Variants in ITGA9 observed in about 807,000 individuals in gnomAD.
ITGA9 encodes the protein integrin alpha-9.
Under a neutral mutation model 127.8 loss-of-function variants are expected in ITGA9, and 56 were observed. The observed-to-expected ratio is 0.44, with a 90% CI of 0.35 to 0.55. ITGA9 has a LOEUF of 0.55. Ranked by LOEUF, ITGA9 falls within the 20% of genes least tolerant of loss-of-function variation. ITGA9 has a pLI of 0.00. For synonymous variants in ITGA9, 508 were observed against 514.5 expected (o/e 0.99, Z 0.17); for missense variants, 1,196 against 1,347.1 (o/e 0.89, Z 1.76).
intron 22 of ITGA9, chr3:37,749,238 A>G (rs984221221): frequency 4.0e-5 from 7 of 175,810 alleles, no homozygotes; most frequent in Non-Finnish European, 7.1e-5. Context: ...AAAGCCAGCA[A>G]TGGCTGGTCA....
At chr3:37,803,154 C>T (rs1268592990) in intron 26 of ITGA9, among the ~76,000 whole-genome samples, 4 of 152,184 alleles carry the variant, frequency 2.6e-5, no homozygotes, top group Admixed American at 2.0e-4. Flanking sequence ...AGAGCACTCC[C>T]GTGTTCTTTG....
intron 1 of ITGA9, among the ~76,000 whole-genome samples, chr3:37,455,864 G>A (rs142518447): frequency 6.4e-4 from 97 of 152,320 alleles, no homozygotes; most frequent in African/African-American, 2.2e-3. Flanking sequence ...AGAGTAGAGC[G>A]TTCCCATGTT....
At chr3:37,785,133 C>A in intron 26 of ITGA9, 55 bp downstream of exon 26, 2 of 1,226,246 alleles carry the variant, frequency 1.6e-6, no homozygotes, top group African/African-American at 1.5e-5. Flanking sequence ...AGCTGGGTGA[C>A]TTGGAGACCT....
chr3:37,499,617 T>C (rs1698767926), intron 5 of ITGA9, among the ~76,000 whole-genome samples: 1 of 152,106 alleles, frequency 6.6e-6, no homozygotes. Flanking sequence ...ACAAGCATCA[T>C]CCATAGGGAA....
intron 23 of ITGA9, among the ~76,000 whole-genome samples, chr3:37,763,973 C>T (rs1696750498): frequency 6.6e-6 from 1 of 152,142 alleles, no homozygotes; most frequent in African/African-American, 2.4e-5. Context: ...TATGATCCAA[C>T]CCTCTACCTT....
At chr3:37,742,677 T>A (rs927852991) in intron 21 of ITGA9, among the ~76,000 whole-genome samples, 4 of 152,124 alleles carry the variant, frequency 2.6e-5, no homozygotes, top group Non-Finnish European at 5.9e-5. Flanking sequence ...AATTTTTCGG[T>A]TTTCAAGTGC....
chr3:37,542,960 A>C (rs1221697152), intron 15 of ITGA9, among the ~76,000 whole-genome samples: 1 of 151,888 alleles, frequency 6.6e-6, no homozygotes, highest in African/African-American at 2.4e-5. Context: ...ACTGCACCTG[A>C]TGCCTTTCTC....
intron 16 of ITGA9, among the ~76,000 whole-genome samples, chr3:37,646,986 A>T (rs993740981): frequency 5.9e-5 from 9 of 152,076 alleles, no homozygotes; most frequent in African/African-American, 2.2e-4. Context: ...CTCCAGAGAG[A>T]TGCCTTTCAG....
chr3:37,604,506 G>C (rs142313880), intron 15 of ITGA9, among the ~76,000 whole-genome samples: 97 of 152,350 alleles, frequency 6.4e-4, no homozygotes, highest in South Asian at 2.1e-3. Flanking sequence ...TTCCTTGTGA[G>C]ATCAGACACA....
Position 37,650,434 on chromosome 3 carries a change from T to A in ITGA9, c.1840-3280T>A, listed in dbSNP as rs189977485. On this transcript the variant is annotated intron_variant, in intron 16 of 27. Coordinates refer to ENST00000264741, the MANE Select transcript of ITGA9 (RefSeq NM_002207.3). ...TTATTTCACCATCCATTAATGTTTG[T>A]TTGTTTGTTTGTTTTGAGATGGAGT... 9.2e-5 allele frequency among the ~76,000 whole-genome samples: 14 copies of A among 152,198 alleles called. No individual in the cohort carries two copies. In the East Asian group the frequency reaches 2.7e-3, roughly 29 times the overall value.
intron 23 of ITGA9, among the ~76,000 whole-genome samples, chr3:37,770,249 A>G (rs1696827229): frequency 6.6e-6 from 1 of 152,178 alleles, no homozygotes; most frequent in Non-Finnish European, 1.5e-5. Flanking sequence ...CTAACATACT[A>G]ATAGCACCTA....
intron 2 of ITGA9, among the ~76,000 whole-genome samples, chr3:37,473,136 C>CAGAAAA (rs1698451356): frequency 1.4e-5 from 1 of 70,780 alleles, no homozygotes; most frequent in Non-Finnish European, 2.5e-5. Flanking sequence ...GAGACTGTCT[C>CAGAAAA]AAAAAAAAAA....
chr3:37,744,557 C>G (rs888741102), intron 22 of ITGA9, among the ~76,000 whole-genome samples: 6 of 152,232 alleles, frequency 3.9e-5, no homozygotes, highest in African/African-American at 1.4e-4. Flanking sequence ...CCTCACTGAG[C>G]CATGGCTGGC....
chr3:37,686,847 C>T (rs545358610), intron 18 of ITGA9, among the ~76,000 whole-genome samples: 8 of 152,188 alleles, frequency 5.3e-5, no homozygotes, highest in African/African-American at 1.2e-4. Context: ...ACTCCAGCCA[C>T]GCTGCAAGGT....
At chr3:37,615,937 T>G (rs1465756997) in intron 15 of ITGA9, among the ~76,000 whole-genome samples, 1 of 152,230 alleles carries the variant, frequency 6.6e-6, no homozygotes, top group Non-Finnish European at 1.5e-5. Context: ...TTGATTTTTT[T>G]GAAGGGTTTT....
chr3:37,490,974 G>A (rs267525), intron 4 of ITGA9, among the ~76,000 whole-genome samples: 2,587 of 121,850 alleles, frequency 0.021, 151 homozygotes, highest in African/African-American at 0.078. Context: ...CTTCCCCCCC[G>A]CTTTTTTTTT....
intron 15 of ITGA9, among the ~76,000 whole-genome samples, chr3:37,582,812 AC>A (rs564495901): frequency 1.3e-3 from 199 of 152,302 alleles, no homozygotes; most frequent in African/African-American, 4.6e-3. Flanking sequence ...CTGTTCCACA[AC>A]CCACAAAAGA....
intron 16 of ITGA9, among the ~76,000 whole-genome samples, chr3:37,635,595 T>TA: frequency 6.7e-6 from 1 of 148,900 alleles, no homozygotes; most frequent in East Asian, 2.0e-4. Context: ...TATTTTATTT[T>TA]TTTCCTAAAT....
chr3:37,569,057 A>G (rs1575153134), intron 15 of ITGA9, among the ~76,000 whole-genome samples: 1 of 152,172 alleles, frequency 6.6e-6, no homozygotes, highest in African/African-American at 2.4e-5. Context: ...GTATTAGTCC[A>G]TTTTTACACT....
Sources: allele counts gnomAD v4.1 joint callset (sites outside exome capture counted in the v4.1 genomes callset), GRCh38; gene constraint gnomAD v4.1.1; transcripts MANE v1.5; gene names NCBI Gene and HGNC (gene_info 2026-07-23, HGNC 2026-07-21).